The following PIEZO2 variants were observed in gnomAD, a reference collection of about 807,000 sequenced individuals.
PIEZO2 encodes piezo type mechanosensitive ion channel component 2, also known as piezo-type mechanosensitive ion channel component 2.
PIEZO2 carries 172 observed loss-of-function variants against 337.3 expected under a neutral mutation model. The observed-to-expected ratio is 0.51, with a 90% confidence interval of 0.45 to 0.58. The LOEUF is 0.58. PIEZO2 is among the 20% of genes least tolerant of loss of function. The probability of loss-of-function intolerance (pLI) is 0.00; values close to 1 mark genes in which losing one functional copy is unlikely to be tolerated. For synonymous variants in PIEZO2, 1,251 were observed against 1,228.5 expected (o/e 1.02, Z -0.38); for missense variants, 3,028 against 3,391.3 (o/e 0.89, Z 2.66).
chr18:10,789,090 C>T lies in PIEZO2; in HGVS notation c.2158G>A (p.Ala720Thr), dbSNP rs1254639904. 1 of 1,536,700 alleles carries T rather than the reference C, an allele frequency of 6.5e-7. No individual in the cohort carries two copies. The highest frequency in any genetic ancestry group is 8.7e-7 in the Non-Finnish European group (1 of 1,146,588). Residue 720 changes from alanine (A) to threonine (T), a missense_variant, in exon 15 of 56, where the codon GCC (alanine) becomes ACC (threonine). Around this residue, in one of 5 missense-constraint regions of PIEZO2, gnomAD observed 1,925 missense variants for 2,051.9 expected, o/e 0.94. Coordinates refer to ENST00000674853, the MANE Select transcript of PIEZO2 (RefSeq NM_001378183.1). ...IYMVLFLFCV[A>T]LYQVHYEWWR... ...AACTGTGTACCTACCTGGTATAGGG[C>T]CACACAGAACAGGAACAGCACCATG...
intron 2 of PIEZO2, among the ~76,000 whole-genome samples, chr18:11,012,278 T>G (rs961799155): frequency 3.3e-5 from 5 of 152,202 alleles, no homozygotes; most frequent in Non-Finnish European, 5.9e-5. Flanking sequence ...AAATGTCTGA[T>G]GAGCAGCATT....
At chr18:11,090,323 G>C (rs1405337619) in intron 1 of PIEZO2, among the ~76,000 whole-genome samples, 1 of 152,156 alleles carries the variant, frequency 6.6e-6, no homozygotes, top group Non-Finnish European at 1.5e-5. Flanking sequence ...GGGAGGGAGG[G>C]AGAAAGGAAT....
At chr18:10,685,059 A>G (rs1439237646) in intron 49 of PIEZO2, among the ~76,000 whole-genome samples, 1 of 152,158 alleles carries the variant, frequency 6.6e-6, no homozygotes, top group Non-Finnish European at 1.5e-5. Flanking sequence ...AAGTCATGGT[A>G]TAAGCAGAAT....
At chr18:10,910,211 T>A (rs964403526) in intron 4 of PIEZO2, among the ~76,000 whole-genome samples, 1 of 152,148 alleles carries the variant, frequency 6.6e-6, no homozygotes, top group Admixed American at 6.5e-5. Context: ...CACTGAAAAT[T>A]TGAGATAAGA....
chr18:10,990,761 T>C (rs1275128925), intron 2 of PIEZO2, among the ~76,000 whole-genome samples: 1 of 150,726 alleles, frequency 6.6e-6, no homozygotes, highest in African/African-American at 2.4e-5. Flanking sequence ...TTTTTTCTAA[T>C]AATGATTTTT....
chr18:11,101,865 T>C lies in PIEZO2; in HGVS notation c.65-35643A>G, dbSNP rs530235143. ...CACAAGCTCTTGTACTCTTGTACTA[T>C]ACTACTTATAAGCTATCAAATTTGA... On this transcript the variant is annotated intron_variant, in intron 1 of 55. Transcript: ENST00000674853. This position sits in a 1 kb window ranked among gnomAD's most constrained non-coding sequence, Gnocchi z 4.4. Among the ~76,000 whole-genome samples the C allele has an allele frequency of 1.3e-4, 20 of 152,228 alleles. No homozygotes were observed. The highest frequency in any genetic ancestry group is 2.5e-4 in the Non-Finnish European group (17 of 68,040).
chr18:10,849,883 T>C (rs986653957), intron 7 of PIEZO2, among the ~76,000 whole-genome samples: 1 of 152,210 alleles, frequency 6.6e-6, no homozygotes, highest in African/African-American at 2.4e-5. Context: ...AAACAGACTG[T>C]TTTGAATGGT....
Position 10,787,165 on chromosome 18 carries a change from C to A in PIEZO2, c.2189G>T (p.Arg730Met). The change falls in exon 16 of 56, where the codon AGG becomes ATG. Residue 730 changes from arginine to methionine, a missense_variant. Physicochemically the swap from Arg to Met is moderately conservative, Grantham distance 91. Around this residue, in one of 5 missense-constraint regions of PIEZO2, gnomAD observed 1,925 missense variants for 2,051.9 expected, o/e 0.94. Coordinates refer to ENST00000674853, the MANE Select transcript of PIEZO2 (RefSeq NM_001378183.1). ...CATCCAAAAATATTTTAGAATTTTC[C>A]TCCACCATTCATAGTGCACCTGCAA... ...ALYQVHYEWW[R>M]KILKYFWMSV... 1 of 1,530,002 alleles carries A rather than the reference C, an allele frequency of 6.5e-7. No individual in the cohort carries two copies. Among genetic ancestry groups the A allele is most frequent in the Non-Finnish European group, 8.7e-7 (1 of 1,144,778 alleles). The allele number at this position is 1,530,002 out of a possible 1,614,324, so 94.8% of individuals were successfully genotyped here. A position where few individuals can be genotyped will look rare whatever the true frequency, so the allele number is the denominator to read the frequency against.
At chr18:10,818,420 T>G (rs1486373171) in intron 7 of PIEZO2, among the ~76,000 whole-genome samples, 1 of 152,206 alleles carries the variant, frequency 6.6e-6, no homozygotes, top group Non-Finnish European at 1.5e-5. Context: ...AATATACACT[T>G]GTGTATACCC....
chr18:10,685,778 G>A (rs1478585919), intron 49 of PIEZO2, among the ~76,000 whole-genome samples: 3 of 152,156 alleles, frequency 2.0e-5, no homozygotes, highest in Admixed American at 1.3e-4. Flanking sequence ...TCAGTTTCCC[G>A]AGCCTTCTGG....
chr18:11,042,820 A>G (rs575897002), intron 2 of PIEZO2, among the ~76,000 whole-genome samples: 7 of 152,364 alleles, frequency 4.6e-5, no homozygotes, highest in Middle Eastern at 3.4e-3. Flanking sequence ...AAATGTCAGT[A>G]TGTAACTCAA....
rs911917999 is a variant in PIEZO2 at position 11,128,728 on chromosome 18, T to C, written c.64+19797A>G. On this transcript the variant is annotated intron_variant, in intron 1 of 55. Transcript: ENST00000674853. This position sits in a 1 kb window ranked among gnomAD's most constrained non-coding sequence, Gnocchi z 4.1. ...ACACCTCTGTTTGCTTCTAGACCTA[T>C]AAATAGACTAAAGTCCTGGCAGGTC... Among the ~76,000 whole-genome samples, 1 of 152,148 alleles carries C rather than the reference T, an allele frequency of 6.6e-6. No homozygotes were observed. The highest frequency in any genetic ancestry group is 1.5e-5 in the Non-Finnish European group (1 of 68,036).
chr18:10,806,193 G>T (rs1402637915), intron 8 of PIEZO2, among the ~76,000 whole-genome samples: 1 of 152,144 alleles, frequency 6.6e-6, no homozygotes, highest in Non-Finnish European at 1.5e-5. Flanking sequence ...GGAGGAGGGG[G>T]ACTGGAATGC....
chr18:11,005,863 C>A (rs775279540), intron 2 of PIEZO2, among the ~76,000 whole-genome samples: 1 of 152,208 alleles, frequency 6.6e-6, no homozygotes, highest in Non-Finnish European at 1.5e-5. Context: ...TGTATGTACA[C>A]GCAAAGAGCA....
rs1463055042 is a variant in PIEZO2, at chr18:10,677,872, G to T, written c.7956C>A (p.Asn2652Lys). ...SVVFSWSIQR[N>K]LSLGAKSEIA... ...TTTCCGATTTTGCACCCAGACTTAA[G>T]TTTCTGTGAAGAAAAAAAAAAAGCT... The change falls in exon 53 of 56, where the codon AAC becomes AAA. Residue 2652 changes from asparagine to lysine, a missense_variant. Coordinates refer to ENST00000674853, the MANE Select transcript of PIEZO2 (RefSeq NM_001378183.1). The surrounding 1 kb of genome is among the most constrained non-coding windows in gnomAD (Gnocchi z 4.1). 1 of 1,552,518 alleles carries T rather than the reference G, an allele frequency of 6.4e-7. No homozygotes were observed. Among genetic ancestry groups the T allele is most frequent in the Admixed American group, 2.2e-5 (1 of 46,082 alleles).
In PIEZO2 at chr18:10,929,687, G is replaced by A. The variant is rs1347771174; in HGVS notation, c.287-18459C>T. The stretch of plus-strand genomic sequence containing the variant: ...TTAGTCTTTTACAGTGTTTAATGGA[G>A]TTTGATACAATAGAGCAGATGGACG... On this transcript the variant is annotated intron_variant, in intron 3 of 55. Coordinates refer to ENST00000674853, the MANE Select transcript of PIEZO2 (RefSeq NM_001378183.1). The surrounding 1 kb of genome is among the most constrained non-coding windows in gnomAD (Gnocchi z 5.6). 2.0e-5 allele frequency among the ~76,000 whole-genome samples: 3 copies of A among 152,186 alleles called. No individual in the cohort carries two copies. The highest frequency in any genetic ancestry group is 2.9e-5 in the Non-Finnish European group (2 of 68,034).
At chr18:10,836,020 A>G (rs1276513613) in intron 7 of PIEZO2, among the ~76,000 whole-genome samples, 2 of 152,156 alleles carry the variant, frequency 1.3e-5, no homozygotes, top group African/African-American at 4.8e-5. Context: ...GGTCCAAATA[A>G]GCCTATGTCG....
rs2039200073 is a variant in PIEZO2 at position 11,094,384 on chromosome 18, G to A, written c.65-28162C>T. Among the ~76,000 whole-genome samples the A allele has an allele frequency of 2.0e-5, 3 of 152,112 alleles. No homozygotes were observed. Among genetic ancestry groups the A allele is most frequent in the Admixed American group, 1.3e-4 (2 of 15,266 alleles). On this transcript the variant is annotated intron_variant, in intron 1 of 55. Coordinates refer to ENST00000674853, the MANE Select transcript of PIEZO2 (RefSeq NM_001378183.1). This position sits in a 1 kb window ranked among gnomAD's most constrained non-coding sequence, Gnocchi z 4.4. ...AGTTTCAGTAGGACTCAAAACCAGG[G>A]CTTTGAGTCAAGTTAACGACTTTTC...
At chr18:10,886,383 T>TACATATACACACAC (rs1598630809) in intron 4 of PIEZO2, among the ~76,000 whole-genome samples, 1 of 5,274 alleles carries the variant, frequency 1.9e-4, no homozygotes, top group Non-Finnish European at 3.4e-4. Context: ...TGTGTGTGTA[T>TACATATACACACAC]ATATATATAT....
Sources: gnomAD v4.1 joint callset for allele counts (sites outside exome capture counted in the v4.1 genomes callset) on GRCh38, gnomAD v4.1.1 for gene constraint, gnomAD v4.1.1 regional missense constraint, Gnocchi (gnomAD v3.1) non-coding constraint, MANE v1.5 for transcripts, NCBI Gene and HGNC (gene_info 2026-07-23, HGNC 2026-07-21) for gene names.